SEMA6D: variants seen among roughly 807,000 people sequenced by gnomAD.
The protein encoded by SEMA6D is semaphorin 6D, also known as semaphorin-6D.
In SEMA6D, 35 loss-of-function variants were observed where a neutral mutation model predicts 106.6. That is an observed-to-expected ratio of 0.33 (90% CI 0.25 to 0.44). The LOEUF is 0.44. Among genes scored for constraint, SEMA6D ranks in the 20% least tolerant of loss-of-function variants. The pLI, the probability that SEMA6D is intolerant of heterozygous loss-of-function variation, is 1.00. For synonymous variants in SEMA6D, 499 were observed against 487.7 expected, an observed-to-expected ratio of 1.02 and a Z score of -0.31; for missense variants, 1,185 against 1,345.9, an observed-to-expected ratio of 0.88 and a Z score of 1.87.
chr15:47,437,735 A>G (rs924690647), intron 2 of SEMA6D, among the ~76,000 whole-genome samples: 2 of 152,140 alleles, frequency 1.3e-5, no homozygotes, highest in Admixed American at 1.3e-4. Context: ...AGCCTGGTGC[A>G]GGTGATTCAG....
intron 1 of SEMA6D, among the ~76,000 whole-genome samples, chr15:47,727,481 A>G (rs1332287195): frequency 6.6e-6 from 1 of 152,176 alleles, no homozygotes; most frequent in Non-Finnish European, 1.5e-5. Context: ...TAAAATGCAG[A>G]TTTCTATCCA....
chr15:47,667,854 G>A (rs1168741167), intron 4 of SEMA6D, among the ~76,000 whole-genome samples: 2 of 152,194 alleles, frequency 1.3e-5, no homozygotes, highest in African/African-American at 4.8e-5. Flanking sequence ...GAACCTGTGA[G>A]AACCCAGATA....
At chr15:47,393,608 T>C (rs2040111677) in intron 1 of SEMA6D, 1 of 152,302 alleles carries the variant, frequency 6.6e-6, no homozygotes, top group South Asian at 2.1e-4. Flanking sequence ...ATACAGCTTA[T>C]GTATAGGCCT....
At chr15:47,408,187 A>G (rs2040659636) in intron 1 of SEMA6D, among the ~76,000 whole-genome samples, 1 of 152,132 alleles carries the variant, frequency 6.6e-6, no homozygotes, top group African/African-American at 2.4e-5. Context: ...GCATCCTCAG[A>G]CAGGCCTGGG....
intron 1 of SEMA6D, among the ~76,000 whole-genome samples, chr15:47,227,179 A>G (rs2031738606): frequency 6.6e-6 from 1 of 152,082 alleles, no homozygotes; most frequent in Non-Finnish European, 1.5e-5. Context: ...TGATTATTTC[A>G]TTGACTCTGA....
chr15:47,724,179 A>G (rs1212789808), intron 1 of SEMA6D, among the ~76,000 whole-genome samples: 1 of 152,242 alleles, frequency 6.6e-6, no homozygotes, highest in Admixed American at 6.5e-5. Flanking sequence ...AGATATTTTT[A>G]AAAGCTACAG....
intron 3 of SEMA6D, among the ~76,000 whole-genome samples, chr15:47,533,509 A>C (rs1566864657): frequency 6.6e-6 from 1 of 152,198 alleles, no homozygotes; most frequent in Non-Finnish European, 1.5e-5. Flanking sequence ...TTTTCTTTAA[A>C]GTTCAAAATG....
chr15:47,312,826 CTT>C (rs997738160), intron 1 of SEMA6D, among the ~76,000 whole-genome samples: 2 of 151,920 alleles, frequency 1.3e-5, no homozygotes, highest in African/African-American at 4.8e-5. Context: ...AATCCAAAGA[CTT>C]TTTTTATAAG....
At chr15:47,394,118 A>G (rs911835191) in intron 1 of SEMA6D, among the ~76,000 whole-genome samples, 17 of 152,120 alleles carry the variant, frequency 1.1e-4, no homozygotes, top group Admixed American at 9.2e-4. Flanking sequence ...TCATGGGTAC[A>G]TTGTCTGCAT....
chr15:47,331,113 A>G (rs1294307189), intron 1 of SEMA6D, among the ~76,000 whole-genome samples: 1 of 152,180 alleles, frequency 6.6e-6, no homozygotes, highest in Non-Finnish European at 1.5e-5. Context: ...ATTTAATTTC[A>G]CAGTATACTC....
intron 1 of SEMA6D, among the ~76,000 whole-genome samples, chr15:47,279,693 G>T (rs1035336799): frequency 2.0e-5 from 3 of 151,976 alleles, no homozygotes; most frequent in Non-Finnish European, 4.4e-5. Context: ...TATTTTGAGA[G>T]ACGTCCCATC....
rs2078666402 is a variant in SEMA6D at position 47,694,874 on chromosome 15, T to C, written c.-54-64871T>C. 2.0e-5 allele frequency among the ~76,000 whole-genome samples: 3 copies of C among 152,204 alleles called. No individual in the cohort carries two copies. The South Asian group carries it at 6.2e-4, about 32-fold the overall frequency. ...GTAATTAAAATACATCTGTGTCCAATTAGAGTATGTATTACAATTATTGAG... is the reference window on the plus strand; with the variant it reads ...GTAATTAAAATACATCTGTGTCCAACTAGAGTATGTATTACAATTATTGAG... On this transcript the variant is annotated intron_variant, in intron 4 of 19. Coordinates refer to the SEMA6D transcript ENST00000558014.
chr15:47,333,790 G>T (rs568993187), intron 1 of SEMA6D, among the ~76,000 whole-genome samples: 4 of 152,206 alleles, frequency 2.6e-5, no homozygotes, highest in Non-Finnish European at 5.9e-5. Context: ...GAGGTGTTAT[G>T]ATAGGTATAT....
intron 4 of SEMA6D, among the ~76,000 whole-genome samples, chr15:47,620,724 A>ATG (rs947917261): frequency 1.3e-5 from 2 of 151,392 alleles, no homozygotes; most frequent in South Asian, 2.1e-4. Context: ...ACATATATAT[A>ATG]TATATTCTTT....
intron 4 of SEMA6D, among the ~76,000 whole-genome samples, chr15:47,618,848 C>T (rs998473874): frequency 2.0e-5 from 3 of 152,108 alleles, no homozygotes; most frequent in African/African-American, 4.8e-5. Context: ...ATAGTAACTT[C>T]TTAGGGAGGT....
At position 47,760,992 on chromosome 15, in the gene SEMA6D, C is replaced by T; in HGVS notation, c.236C>T (p.Thr79Ile). Residue 79 changes from threonine to isoleucine, a missense_variant, in exon 4 of 19, where the codon ACA becomes ATA. Physicochemically the swap from Thr to Ile is moderately conservative, Grantham distance 89. This residue lies in a region of SEMA6D where 144 missense variants were observed against 138.6 expected (regional missense o/e 1.04). Coordinates refer to ENST00000536845, the MANE Select transcript of SEMA6D (RefSeq NM_001358351.3). ...LYIAGRDQVY[T>I]VNLNEMPKTE... ...ATTTCCAACAGGGATCAAGTTTATA[C>T]AGTAAACTTAAATGAAATGCCCAAA... 1 of 1,613,160 alleles carries T rather than the reference C, an allele frequency of 6.2e-7. No individual in the cohort carries two copies. The highest frequency in any genetic ancestry group is 1.1e-5 in the South Asian group (1 of 91,010).
chr15:47,568,489 C>CCATTA (rs1014015403), intron 3 of SEMA6D, among the ~76,000 whole-genome samples: 3 of 151,836 alleles, frequency 2.0e-5, no homozygotes, highest in East Asian at 1.9e-4. Context: ...GTACCTGGGC[C>CCATTA]CATTACATTA....
chr15:47,239,636 A>G (rs528294400), intron 1 of SEMA6D, among the ~76,000 whole-genome samples: 4 of 152,284 alleles, frequency 2.6e-5, no homozygotes, highest in East Asian at 1.9e-4. Context: ...GGCTGTCTCC[A>G]TCATACTGAG....
At chr15:47,422,804 G>A (rs1163272915) in intron 2 of SEMA6D, among the ~76,000 whole-genome samples, 1 of 152,060 alleles carries the variant, frequency 6.6e-6, no homozygotes, top group African/African-American at 2.4e-5. Flanking sequence ...CGGATGACTG[G>A]TTAACATGAG....
Sources: allele counts gnomAD v4.1 joint callset (sites outside exome capture counted in the v4.1 genomes callset), GRCh38; gene constraint gnomAD v4.1.1; regional missense constraint gnomAD v4.1.1; transcripts MANE v1.5; gene names NCBI Gene and HGNC (gene_info 2026-07-23, HGNC 2026-07-21).